PCDH11Y: variants seen among roughly 807,000 people sequenced by gnomAD.
PCDH11Y encodes the protein protocadherin 11 Y-linked.
For synonymous variants in PCDH11Y, 9 were observed against 83.6 expected, an observed-to-expected ratio of 0.11 and a Z score of 4.87; for missense variants, 12 against 224.8, an observed-to-expected ratio of 0.05 and a Z score of 6.05.
intron 2 of PCDH11Y, among the ~76,000 whole-genome samples, chrY:5,155,054 T>G: frequency 3.0e-5 from 1 of 32,911 alleles, no homozygotes; most frequent in Admixed American, 2.8e-4. Context: ...AAGGTTACAC[T>G]ACGTGAATTC....
intron 2 of PCDH11Y, among the ~76,000 whole-genome samples, chrY:5,202,360 G>A: frequency 3.1e-5 from 1 of 32,606 alleles, no homozygotes; most frequent in Non-Finnish European, 7.5e-5. Context: ...GGCAGGGTGA[G>A]TGTGCTGGGT....
At chrY:5,698,140 G>T (rs2053573753) in intron 4 of PCDH11Y, among the ~76,000 whole-genome samples, 4 of 30,886 alleles carry the variant, frequency 1.3e-4, no homozygotes, top group Admixed American at 3.0e-4. Flanking sequence ...TTGAATATTG[G>T]CTCCCAATCT....
chrY:5,636,566 C>A (rs2053517962), intron 4 of PCDH11Y, among the ~76,000 whole-genome samples: 1 of 33,502 alleles, frequency 3.0e-5, no homozygotes, highest in Non-Finnish European at 7.4e-5. Context: ...CATTACCATT[C>A]TTTTGGTAAA....
chrY:5,334,001 T>G, intron 2 of PCDH11Y, among the ~76,000 whole-genome samples: 1 of 32,815 alleles, frequency 3.0e-5, no homozygotes, highest in Non-Finnish European at 7.5e-5. Context: ...GGTTTTCTTG[T>G]TGTCTTCTGT....
At chrY:5,623,752 T>G in intron 4 of PCDH11Y, among the ~76,000 whole-genome samples, 1 of 32,987 alleles carries the variant, frequency 3.0e-5, no homozygotes, top group Non-Finnish European at 7.5e-5. Context: ...GTTGATTCCA[T>G]GTCTTGGTTA....
intron 2 of PCDH11Y, among the ~76,000 whole-genome samples, chrY:5,349,996 A>G (rs1355276694): frequency 0.013 from 433 of 33,819 alleles, no homozygotes; most frequent in Middle Eastern, 0.11. Flanking sequence ...ACTAAAAGTA[A>G]TGAGACTGGT....
intron 2 of PCDH11Y, among the ~76,000 whole-genome samples, chrY:5,434,520 A>ATC (rs2053271853): frequency 1.7e-4 from 5 of 29,060 alleles, no homozygotes; most frequent in African/African-American, 2.7e-4. Flanking sequence ...TGATCTCATG[A>ATC]TCTCTCTCTC....
At chrY:5,445,572 T>C (rs2053287164) in intron 2 of PCDH11Y, among the ~76,000 whole-genome samples, 1 of 30,337 alleles carries the variant, frequency 3.3e-5, no homozygotes, top group East Asian at 8.6e-4. Flanking sequence ...TTCTTTGTTT[T>C]TAAATTGCCT....
chrY:5,256,659 G>A (rs207480212), intron 2 of PCDH11Y, among the ~76,000 whole-genome samples: 11 of 33,219 alleles, frequency 3.3e-4, no homozygotes, highest in Admixed American at 2.8e-3. Context: ...AACAATATTC[G>A]TTCTTCCAAT....
intron 2 of PCDH11Y, among the ~76,000 whole-genome samples, chrY:5,407,078 A>G: frequency 3.0e-5 from 1 of 33,730 alleles, no homozygotes; most frequent in East Asian, 7.8e-4. Flanking sequence ...ACTGAGATGT[A>G]GAGGAAAAAG....
intron 2 of PCDH11Y, among the ~76,000 whole-genome samples, chrY:5,142,620 C>G: frequency 1.2e-4 from 4 of 33,244 alleles, no homozygotes; most frequent in African/African-American, 4.7e-4. Context: ...GAAAACTACT[C>G]AGGTCAGAAT....
At chrY:5,383,829 G>A in intron 2 of PCDH11Y, among the ~76,000 whole-genome samples, 1 of 32,557 alleles carries the variant, frequency 3.1e-5, no homozygotes, top group Non-Finnish European at 7.5e-5. Flanking sequence ...TTGTTGGCCA[G>A]GATGGTCTGG....
At chrY:5,647,378 T>C in intron 4 of PCDH11Y, among the ~76,000 whole-genome samples, 1 of 33,595 alleles carries the variant, frequency 3.0e-5, no homozygotes. Flanking sequence ...GTATACATAA[T>C]GTACCTAGCA....
At chrY:5,399,752 G>A in intron 2 of PCDH11Y, among the ~76,000 whole-genome samples, 6 of 31,647 alleles carry the variant, frequency 1.9e-4, no homozygotes, top group Non-Finnish European at 3.0e-4. Flanking sequence ...CGCCCGCTTC[G>A]GCCTCCCAAA....
At chrY:5,192,914 A>G in intron 2 of PCDH11Y, among the ~76,000 whole-genome samples, 1 of 33,096 alleles carries the variant, frequency 3.0e-5, no homozygotes, top group Non-Finnish European at 7.4e-5. Context: ...TGCTGTTTTA[A>G]TATTTTTTTC....
chrY:5,402,375 A>G (rs2124677166), intron 2 of PCDH11Y, among the ~76,000 whole-genome samples: 5 of 33,081 alleles, frequency 1.5e-4, no homozygotes, highest in Admixed American at 1.4e-3. Context: ...AGTTCTTTAT[A>G]GCTGTGTGAG....
intron 2 of PCDH11Y, among the ~76,000 whole-genome samples, chrY:5,367,632 C>T (rs2053182238): frequency 3.7e-5 from 1 of 26,950 alleles, no homozygotes; most frequent in Non-Finnish European, 8.7e-5. Flanking sequence ...ATGATCCACC[C>T]GCCTCGGCCT....
At chrY:5,384,923 C>T in intron 2 of PCDH11Y, among the ~76,000 whole-genome samples, 1 of 28,739 alleles carries the variant, frequency 3.5e-5, no homozygotes, top group Non-Finnish European at 8.1e-5. Context: ...TGGGGATTTA[C>T]CTGCTTCCTT....
chrY:5,557,151 C>G, intron 3 of PCDH11Y, among the ~76,000 whole-genome samples: 1 of 32,231 alleles, frequency 3.1e-5, no homozygotes, highest in Non-Finnish European at 7.6e-5. Context: ...TATTCAGGCT[C>G]TTTTTTGTAC....
Sources: gnomAD v4.1 joint callset for allele counts (sites outside exome capture counted in the v4.1 genomes callset) on GRCh38, gnomAD v4.1.1 for gene constraint, MANE v1.5 for transcripts, NCBI Gene and HGNC (gene_info 2026-07-23, HGNC 2026-07-21) for gene names.